PARP10: variants seen among roughly 807,000 people sequenced by gnomAD.
The protein encoded by PARP10 is poly(ADP-ribose) polymerase family member 10, also known as protein mono-ADP-ribosyltransferase PARP10.
A neutral mutation model predicts 82.4 loss-of-function variants in PARP10; 56 were observed. That is an observed-to-expected ratio of 0.68 (90% CI 0.55 to 0.85). The LOEUF is 0.85. Among genes scored for constraint, PARP10 ranks in the 40% least tolerant of loss-of-function variants. The pLI, the probability that PARP10 is intolerant of heterozygous loss-of-function variation, is 0.00. For synonymous variants in PARP10, 576 were observed against 601.1 expected, an observed-to-expected ratio of 0.96 and a Z score of 0.61; for missense variants, 1,227 against 1,379.4, an observed-to-expected ratio of 0.89 and a Z score of 1.75.
At position 143,986,370 on chromosome 8, in the gene PARP10, C is replaced by T. The variant is rs202233293; in HGVS notation, c.-11G>A. 102 of 1,614,040 alleles carry T rather than the reference C, an allele frequency of 6.3e-5. No homozygotes were observed. Among genetic ancestry groups the T allele is most frequent in the Admixed American group, 1.5e-4 (9 of 59,992 alleles). ...ATACAGCACTTACATTCCCCGTGGC[C>T]GCTAGGCAGCCTCAGGCCATGAGCT... is the stretch of plus-strand genomic sequence containing the variant. On this transcript the variant is annotated 5_prime_UTR_variant, in exon 1 of 11. Transcript: ENST00000313028.
chr8:143,990,507 GC>G (rs1357287355), upstream of PARP10: 5 of 152,250 alleles, frequency 3.3e-5, no homozygotes, highest in African/African-American at 1.2e-4. This position sits in a 1 kb window ranked among gnomAD's most constrained non-coding sequence, Gnocchi z 5.6. Flanking sequence ...CACGGCCGCA[GC>G]CCCTACCCGC....
At chr8:143,995,896 C>CT (rs1217595588), upstream of PARP10, among the ~76,000 whole-genome samples, 3 of 152,252 alleles carry the variant, frequency 2.0e-5, no homozygotes, top group Non-Finnish European at 4.4e-5. Context: ...CCCAGCCAGT[C>CT]TGAGTGGCTG....
upstream of PARP10, chr8:143,993,559 T>C (rs955385466): frequency 9.8e-5 from 15 of 152,922 alleles, no homozygotes; most frequent in African/African-American, 3.6e-4. Context: ...CACAGCTACA[T>C]CATAAGGTGT....
chr8:143,994,745 C>G (rs1387069460), upstream of PARP10, among the ~76,000 whole-genome samples: 1 of 152,144 alleles, frequency 6.6e-6, no homozygotes, highest in Non-Finnish European at 1.5e-5. Context: ...ACATGCTGAG[C>G]AGCGAGTGGG....
chr8:143,983,995 C>T lies in PARP10; in HGVS notation c.1777+13G>A. 6.6e-7 allele frequency: 1 copy of T among 1,510,092 alleles called. No individual in the cohort carries two copies. The highest frequency in any genetic ancestry group is 8.9e-7 in the Non-Finnish European group (1 of 1,129,204). 93.5% of individuals were successfully genotyped at this position (1,510,092 alleles called of 1,614,324 possible). On this transcript the variant is annotated intron_variant, in intron 7 of 10. Coordinates refer to ENST00000313028, the MANE Select transcript of PARP10 (RefSeq NM_032789.5). ...GGCCACAGGATGTGCTGAGGGCTCC[C>T]AGGGAGCCCTACCCAGGCTCACGTC...
At chr8:143,978,146 AGCTGAGCCT>A (rs1833754325) in intron 9 of PARP10, 65 bp from the exon 10 acceptor site, 1 of 1,430,604 alleles carries the variant, frequency 7.0e-7, no homozygotes, top group Admixed American at 2.8e-5. Flanking sequence ...CGCAGGGCAG[AGCTGAGCCT>A]GGCAACCAGG....
upstream of PARP10, chr8:143,991,390 G>C: frequency 8.4e-7 from 1 of 1,194,442 alleles, no homozygotes; most frequent in Non-Finnish European, 1.2e-6. Context: ...GGTCAGCCAG[G>C]GTACCCCCAT....
At position 143,984,602 on chromosome 8, in the gene PARP10, G is replaced by A. The variant is rs374084353; in HGVS notation, c.1400C>T (p.Ala467Val). The change falls in exon 5 of 11, where the codon GCG (alanine) becomes GTG (valine). Residue 467 changes from alanine to valine, a missense_variant. Coordinates refer to ENST00000313028, the MANE Select transcript of PARP10 (RefSeq NM_032789.5). ...CAAGAGAGCGACGTCTCCCAGGCCC[G>A]CAAGAAGGTCCTCATGGTAGAGCTG... is the stretch of plus-strand genomic sequence containing the variant. The part of the protein sequence containing the change: ...FLQLYHEDLL[A>V]GLGDVALLPL... 6.1e-5 allele frequency: 98 copies of A among 1,613,710 alleles called. No homozygotes were observed. The highest frequency in any genetic ancestry group is 7.8e-5 in the Non-Finnish European group (92 of 1,179,890).
chr8:143,981,345 G>GTA (rs1833848815), intron 9 of PARP10, among the ~76,000 whole-genome samples: 5 of 107,534 alleles, frequency 4.6e-5, no homozygotes, highest in South Asian at 3.1e-4. Context: ...GAGTGGTGAA[G>GTA]GTGATGGTGA....
upstream of PARP10, chr8:143,990,005 GC>G (rs1834062776): frequency 6.8e-6 from 1 of 146,376 alleles, no homozygotes; most frequent in Non-Finnish European, 1.5e-5. The surrounding 1 kb of genome is among the most constrained non-coding windows in gnomAD (Gnocchi z 5.6). Flanking sequence ...CCGCCCACCT[GC>G]CCCTCCCACC....
chr8:143,992,445 C>A, upstream of PARP10: 1 of 1,613,974 alleles, frequency 6.2e-7, no homozygotes, highest in Non-Finnish European at 8.5e-7. Flanking sequence ...CCCCATGGCC[C>A]GTTCCTCTCC....
At chr8:144,010,851 T>C (rs1386007267) in intron 1 of PARP10, among the ~76,000 whole-genome samples, 4 of 152,024 alleles carry the variant, frequency 2.6e-5, no homozygotes, top group Admixed American at 2.6e-4. Context: ...TGACACTGCA[T>C]TGCAGCCTGG....
chr8:143,986,454 C>G lies in PARP10; in HGVS notation c.-95G>C. On this transcript the variant is annotated 5_prime_UTR_variant, in exon 1 of 11. Coordinates refer to ENST00000313028, the MANE Select transcript of PARP10 (RefSeq NM_032789.5). ...CCTAACCCTGCTGGGAGCAGGAAAA[C>G]AAAAGTGAAACTGAAAGACGGAAGG... 6.2e-7 allele frequency: 1 copy of G among 1,601,700 alleles called. No individual in the cohort carries two copies. Among genetic ancestry groups the G allele is most frequent in the Non-Finnish European group, 8.6e-7 (1 of 1,169,382 alleles).
At chr8:144,012,511 A>T (rs1554752592) in intron 1 of PARP10, 3 of 1,551,642 alleles carry the variant, frequency 1.9e-6, no homozygotes, top group Admixed American at 3.9e-5. Flanking sequence ...CCACTGCCCC[A>T]GGGCATGTCT....
chr8:144,000,885 A>G (rs1834196717), intron 1 of PARP10, among the ~76,000 whole-genome samples: 1 of 151,736 alleles, frequency 6.6e-6, no homozygotes, highest in African/African-American at 2.4e-5. Flanking sequence ...CATCTCTACA[A>G]AAAATAAATT....
upstream of PARP10, chr8:143,992,670 A>C: frequency 6.2e-7 from 1 of 1,613,848 alleles, no homozygotes; most frequent in Non-Finnish European, 8.5e-7. Flanking sequence ...GTCCCTCAAC[A>C]CCACTGTGCT....
At chr8:143,995,957 C>T (rs73377288), upstream of PARP10, among the ~76,000 whole-genome samples, 4,396 of 152,302 alleles carry the variant, frequency 0.029, 223 homozygotes, top group African/African-American at 0.1. Context: ...TGTCCTCCTT[C>T]CAAATACGAT....
intron 1 of PARP10, among the ~76,000 whole-genome samples, chr8:143,996,745 C>T (rs1474223597): frequency 1.3e-5 from 2 of 152,160 alleles, no homozygotes; most frequent in African/African-American, 4.8e-5. Flanking sequence ...CAGAGAGCAA[C>T]ATTAAAGCCC....
rs1263780003 is a variant in PARP10, at chr8:144,008,395, C to A, written c.-80+4135G>T. Among the ~76,000 whole-genome samples the A allele has an allele frequency of 6.6e-6, 1 of 152,186 alleles. No homozygotes were observed. The highest frequency in any genetic ancestry group is 1.5e-5 in the Non-Finnish European group (1 of 68,032). On this transcript the variant is annotated intron_variant, in intron 1 of 3. Coordinates refer to the PARP10 transcript ENST00000530478. The surrounding 1 kb of genome is among the most constrained non-coding windows in gnomAD (Gnocchi z 4.0). ...GGGGCAAAGATCCCTGAAGGCCTTG[C>A]CAAGCTGAAATGCTGAGCGGAATCA...
Sources: gnomAD v4.1 joint callset for allele counts (sites outside exome capture counted in the v4.1 genomes callset) on GRCh38, gnomAD v4.1.1 for gene constraint, Gnocchi (gnomAD v3.1) non-coding constraint, MANE v1.5 for transcripts, NCBI Gene and HGNC (gene_info 2026-07-23, HGNC 2026-07-21) for gene names.